The following TMEM67 variants were observed in gnomAD, a reference collection of about 807,000 sequenced individuals.
The protein encoded by TMEM67 is transmembrane protein 67, also known as meckelin.
In TMEM67, 124 loss-of-function variants were observed where a neutral mutation model predicts 136.6. That is an observed-to-expected ratio of 0.91 (90% CI 0.78 to 1.05). The LOEUF (loss-of-function observed/expected upper bound fraction) is 1.05, where lower values mean the gene tolerates loss of function less well. Among genes scored for constraint, TMEM67 ranks in the 50% least tolerant of loss-of-function variants. TMEM67 has a pLI of 0.00. For missense variants in TMEM67, 1,107 were observed against 1,178.4 expected (o/e 0.94, Z 0.89); for synonymous variants, 364 against 390.5 (o/e 0.93, Z 0.80).
intron 6 of TMEM67, among the ~76,000 whole-genome samples, chr8:93,767,811 G>A (rs1333144453): frequency 6.7e-6 from 1 of 149,084 alleles, no homozygotes; most frequent in Non-Finnish European, 1.5e-5. Flanking sequence ...GCTAATCTAG[G>A]CTAATCTTGT....
At chr8:93,779,413 C>T (rs1465959401) in intron 7 of TMEM67, among the ~76,000 whole-genome samples, 1 of 152,188 alleles carries the variant, frequency 6.6e-6, no homozygotes, top group East Asian at 1.9e-4. Context: ...TGAGGAGCTG[C>T]ATTCCTTTGG....
At chr8:93,825,495 T>A in the TMEM67 span, among the ~76,000 whole-genome samples, 1 of 152,152 alleles carries the variant, frequency 6.6e-6, no homozygotes, top group Non-Finnish European at 1.5e-5. Flanking sequence ...ACTTTGATAA[T>A]TGGATTTTAT....
In TMEM67 at chr8:93,781,893, T is replaced by C. The variant is rs1813849075; in HGVS notation, c.1065+149T>C. On this transcript the variant is annotated intron_variant, in intron 10 of 27. Transcript: ENST00000453321. ...ATGCTTTAAATTAGACTTTCTTAAG[T>C]TTTTTGTTTGTTTGTTTGTTTGTTT... 7 of 531,586 alleles carry C rather than the reference T, an allele frequency of 1.3e-5. No individual in the cohort carries two copies. The South Asian group carries it at 2.2e-4, about 17-fold the overall frequency. The allele number at this position is 531,586 out of a possible 1,614,324, so 32.9% of individuals were successfully genotyped here.
At position 93,799,616 on chromosome 8, in the gene TMEM67, A is replaced by G. The variant is rs1814775887; in HGVS notation, c.2101-2A>G. 6.2e-7 allele frequency: 1 copy of G among 1,613,722 alleles called. No homozygotes were observed. ...AATTACTACTTTTCCTTTTTACTCC[A>G]GGTTGTGGGATTCAAGAACTTAGCA... On this transcript the variant is annotated splice_acceptor_variant, in intron 20 of 27. Coordinates refer to ENST00000453321, the MANE Select transcript of TMEM67 (RefSeq NM_153704.6). LOFTEE classifies it high-confidence loss of function.
At chr8:93,825,830 G>C in the TMEM67 span, among the ~76,000 whole-genome samples, 5 of 152,152 alleles carry the variant, frequency 3.3e-5, no homozygotes, top group Non-Finnish European at 7.4e-5. Flanking sequence ...TATCTCTCTT[G>C]GGGGAGGGAC....
chr8:93,793,064 C>A, intron 15 of TMEM67, 134 bp from the exon 16 acceptor site: 1 of 778,764 alleles, frequency 1.3e-6, no homozygotes, highest in Non-Finnish European at 2.2e-6. Flanking sequence ...AGCCACTGTG[C>A]CCGGCTGACT....
At chr8:93,792,362 C>T (rs1392082804) in intron 15 of TMEM67, among the ~76,000 whole-genome samples, 1 of 151,726 alleles carries the variant, frequency 6.6e-6, no homozygotes, top group African/African-American at 2.4e-5. Flanking sequence ...TTAGTAGAGA[C>T]AGGGTTTCAT....
At position 93,755,845 on chromosome 8, in the gene TMEM67, TA is replaced by T; in HGVS notation, c.296del (p.Lys99SerfsTer6). The T allele has an allele frequency of 1.3e-6, 2 of 1,596,054 alleles. No homozygotes were observed. Among genetic ancestry groups the T allele is most frequent in the Non-Finnish European group, 1.7e-6 (2 of 1,169,010 alleles). On this transcript the variant is annotated frameshift_variant, in exon 2 of 28. Coordinates refer to ENST00000453321, the MANE Select transcript of TMEM67 (RefSeq NM_153704.6). LOFTEE classifies it high-confidence loss of function. Reference protein sequence around the residue: ...SNNGGPAIICKKCPENMKGVT... With the variant: ...SNNGGPAIICXKCPENMKGVT... ...ATAATGGAGGACCTGCTATTATTTG[TA>T]AAAAGTGCCCAGAAAACATGGTGCG...
At chr8:93,788,506 G>A (rs1476651306) in intron 14 of TMEM67, among the ~76,000 whole-genome samples, 2 of 152,170 alleles carry the variant, frequency 1.3e-5, no homozygotes, top group Non-Finnish European at 2.9e-5. Flanking sequence ...AAGGTGTAGT[G>A]AGCCGAGATC....
intron 12 of TMEM67, chr8:93,785,778 A>G: frequency 4.7e-6 from 1 of 212,178 alleles, no homozygotes; most frequent in South Asian, 8.6e-5. Flanking sequence ...AAGTTCAATC[A>G]GAAGACATTC....
chr8:93,779,043 T>C (rs946021983), intron 7 of TMEM67, among the ~76,000 whole-genome samples: 44 of 152,312 alleles, frequency 2.9e-4, no homozygotes, highest in Middle Eastern at 6.8e-3. Flanking sequence ...CTTGGAGGCT[T>C]TGCTCATTTC....
rs928540224 is a variant in TMEM67, at chr8:93,816,281, A to T, written c.2908-91A>T. On this transcript the variant is annotated intron_variant, in intron 27 of 27. Coordinates refer to ENST00000453321, the MANE Select transcript of TMEM67 (RefSeq NM_153704.6). ...CCTGATACATGAAAATAGTTGAGAG[A>T]ATTAGCTAATTTAATCTAGATATTT... is the stretch of plus-strand genomic sequence containing the variant. The T allele has an allele frequency of 5.0e-6, 3 of 597,668 alleles. No homozygotes were observed. In the Admixed American group the frequency reaches 8.4e-5, roughly 17 times the overall value. The allele number at this position is 597,668 out of a possible 1,614,324, so 37.0% of individuals were successfully genotyped here. A position where few individuals can be genotyped will look rare whatever the true frequency, so the allele number is the denominator to read the frequency against.
rs770976545 is a variant in TMEM67, at chr8:93,765,483, T to C, written c.576+8T>C. 2 of 1,610,904 alleles carry C rather than the reference T, an allele frequency of 1.2e-6. No homozygotes were observed. The highest frequency in any genetic ancestry group is 1.7e-5 in the Admixed American group (1 of 60,020). On this transcript the variant is annotated splice_region_variant and intron_variant, in intron 5 of 27. Coordinates refer to ENST00000453321, the MANE Select transcript of TMEM67 (RefSeq NM_153704.6). ...TCAGAACCTAACATTTTAGTAAGGC[T>C]AACCAAATTGATAAAGTATATATAT...
At chr8:93,790,974 A>T (rs1015795875) in intron 14 of TMEM67, among the ~76,000 whole-genome samples, 3 of 152,198 alleles carry the variant, frequency 2.0e-5, no homozygotes, top group Non-Finnish European at 4.4e-5. Flanking sequence ...CAAATTCCTC[A>T]GTTACAGAAG....
chr8:93,780,046 C>A (rs3134026), intron 7 of TMEM67, among the ~76,000 whole-genome samples: 1 of 152,072 alleles, frequency 6.6e-6, no homozygotes, highest in Non-Finnish European at 1.5e-5. Flanking sequence ...GGAGCTTCCC[C>A]GGCTGCTTTG....
rs758303911 is a variant in TMEM67 at position 93,755,748 on chromosome 8, T to C, written c.224-30T>C. ...TATTTTTATTTATCAAGGATAAAAT[T>C]GGCTTTTTTTTTTTTTTTTTTTTTT... On this transcript the variant is annotated intron_variant, in intron 1 of 27. Coordinates refer to ENST00000453321, the MANE Select transcript of TMEM67 (RefSeq NM_153704.6). The C allele has an allele frequency of 9.9e-6, 13 of 1,312,900 alleles. No homozygotes were observed. The South Asian group carries it at 1.6e-4, about 16-fold the overall frequency. 81.3% of individuals were successfully genotyped at this position (1,312,900 alleles called of 1,614,324 possible).
chr8:93,786,795 C>T (rs1275393469), intron 13 of TMEM67, among the ~76,000 whole-genome samples: 1 of 152,090 alleles, frequency 6.6e-6, no homozygotes, highest in Non-Finnish European at 1.5e-5. Flanking sequence ...GATAGTACCT[C>T]GCCACTTAAA....
At chr8:93,775,978 T>C (rs1332553900) in intron 7 of TMEM67, among the ~76,000 whole-genome samples, 2 of 152,200 alleles carry the variant, frequency 1.3e-5, no homozygotes, top group African/African-American at 2.4e-5. Context: ...ATTCTTCCTA[T>C]CCATGAGCAT....
intron 3 of TMEM67, chr8:93,758,799 A>G: frequency 4.0e-6 from 2 of 504,342 alleles, no homozygotes; most frequent in South Asian, 4.6e-5. Context: ...GGGTCTCGTT[A>G]TGTTGCTCAG....
Sources: gnomAD v4.1 joint callset for allele counts (sites outside exome capture counted in the v4.1 genomes callset) on GRCh38, gnomAD v4.1.1 for gene constraint, MANE v1.5 for transcripts, NCBI Gene and HGNC (gene_info 2026-07-23, HGNC 2026-07-21) for gene names.